The following MEMO1 variants were observed in gnomAD, a reference collection of about 807,000 sequenced individuals.
MEMO1 encodes protein MEMO1.
A neutral mutation model predicts 45.2 loss-of-function variants in MEMO1; 6 were observed. The observed-to-expected ratio is 0.13, with a 90% CI of 0.07 to 0.26. The LOEUF (loss-of-function observed/expected upper bound fraction) is 0.26. MEMO1 is among the 10% of genes least tolerant of loss of function. The pLI is 1.00. For missense variants in MEMO1, 184 were observed against 370.5 expected (o/e 0.50, Z 4.13); for synonymous variants, 78 against 124.3 (o/e 0.63, Z 2.48).
chr2:31,914,325 T>A (rs1681082149), intron 6 of MEMO1, among the ~76,000 whole-genome samples: 1 of 151,038 alleles, frequency 6.6e-6, no homozygotes, highest in Non-Finnish European at 1.5e-5. Context: ...ACGTGGAGAG[T>A]AGAAGGATGA....
intron 6 of MEMO1, among the ~76,000 whole-genome samples, chr2:31,910,602 T>G (rs995494534): frequency 3.3e-5 from 5 of 152,180 alleles, no homozygotes; most frequent in Non-Finnish European, 5.9e-5. Flanking sequence ...GGCTCCTGCC[T>G]GTAATCCTGT....
intron 3 of MEMO1, among the ~76,000 whole-genome samples, chr2:31,940,715 T>C (rs1014676076): frequency 1.3e-5 from 2 of 152,136 alleles, no homozygotes; most frequent in Admixed American, 6.5e-5. Context: ...CTAATTTTTG[T>C]AGAGATGGAG....
chr2:31,927,052 T>C (rs535226225), intron 4 of MEMO1, among the ~76,000 whole-genome samples: 1 of 152,146 alleles, frequency 6.6e-6, no homozygotes, highest in Admixed American at 6.5e-5. Context: ...AATATTCGGC[T>C]GGGTGCGGTG....
chr2:32,005,983 A>G lies in MEMO1; in HGVS notation c.61+4204T>C, dbSNP rs763806397. On this transcript the variant is annotated intron_variant, in intron 2 of 9. Transcript: ENST00000404530. Reference sequence around the variant, plus strand: ...GGAGTAGGAATTATCCCAACAAAGAATATTTCAACAGAGGGACCAGTTTGT... The same window carrying G: ...GGAGTAGGAATTATCCCAACAAAGAGTATTTCAACAGAGGGACCAGTTTGT... Among the ~76,000 whole-genome samples, 71 of 152,222 alleles carry G rather than the reference A, an allele frequency of 4.7e-4. 3 individuals are homozygous for G. Among genetic ancestry groups the G allele is most frequent in the Non-Finnish European group, 1.5e-4 (10 of 68,042 alleles).
At chr2:31,956,289 G>A (rs1241857608) in intron 2 of MEMO1, among the ~76,000 whole-genome samples, 2 of 150,668 alleles carry the variant, frequency 1.3e-5, no homozygotes, top group Non-Finnish European at 2.9e-5. Flanking sequence ...AAAGAATCAG[G>A]ACTAGGATAA....
At chr2:31,938,474 G>A (rs1014526974) in intron 3 of MEMO1, among the ~76,000 whole-genome samples, 12 of 151,740 alleles carry the variant, frequency 7.9e-5, no homozygotes, top group Non-Finnish European at 1.3e-4. Flanking sequence ...GTGAAACCAC[G>A]TCTCTACTAA....
At chr2:31,873,638 C>T (rs1674118157) in intron 8 of MEMO1, among the ~76,000 whole-genome samples, 1 of 152,092 alleles carries the variant, frequency 6.6e-6, no homozygotes, top group Admixed American at 6.5e-5. Flanking sequence ...AGTAGCAAAA[C>T]ATTTTAGAGG....
At chr2:31,966,812 C>A (rs1325487735) in intron 2 of MEMO1, among the ~76,000 whole-genome samples, 1 of 151,728 alleles carries the variant, frequency 6.6e-6, no homozygotes, top group Non-Finnish European at 1.5e-5. Flanking sequence ...TGAAAACAAC[C>A]TGAGTAAACA....
intron 9 of MEMO1, among the ~76,000 whole-genome samples, chr2:31,869,646 G>A (rs953523440): frequency 1.3e-5 from 2 of 151,984 alleles, no homozygotes; most frequent in Admixed American, 6.6e-5. Flanking sequence ...GTATTTAACA[G>A]AAAGTATTGA....
At chr2:31,872,631 G>A (rs995633957) in intron 8 of MEMO1, among the ~76,000 whole-genome samples, 6 of 152,046 alleles carry the variant, frequency 3.9e-5, no homozygotes, top group African/African-American at 1.2e-4. Context: ...ACTAAGTAAA[G>A]AGTTAAAAAT....
chr2:31,944,456 T>G (rs1665967284), intron 2 of MEMO1, among the ~76,000 whole-genome samples: 1 of 152,206 alleles, frequency 6.6e-6, no homozygotes, highest in South Asian at 2.1e-4. Flanking sequence ...TCTGAGAAAC[T>G]GCTAAATCAC....
intron 6 of MEMO1, among the ~76,000 whole-genome samples, chr2:31,912,792 C>T (rs958732759): frequency 3.3e-5 from 5 of 152,114 alleles, no homozygotes; most frequent in Admixed American, 6.5e-5. Flanking sequence ...GCAGTAAACA[C>T]TGGCTGAGTA....
At chr2:31,994,079 G>GC (rs1328759018) in intron 2 of MEMO1, among the ~76,000 whole-genome samples, 2 of 140,836 alleles carry the variant, frequency 1.4e-5, no homozygotes, top group Non-Finnish European at 3.0e-5. Flanking sequence ...TTCTGCCTCA[G>GC]CCCCCCGAGC....
chr2:31,941,622 T>C (rs1572753955), intron 3 of MEMO1, among the ~76,000 whole-genome samples: 1 of 152,282 alleles, frequency 6.6e-6, no homozygotes, highest in South Asian at 2.1e-4. Context: ...ACTAAATAAA[T>C]AGTAGTAAGT....
rs115178565 is a variant in MEMO1 at position 32,008,355 on chromosome 2, G to A, written c.61+1832C>T. ...AATCCCAGGACTTTGGGAGGCCCAG[G>A]CGGGAGGATCACGAAGTCGGGAGTT... On this transcript the variant is annotated intron_variant, in intron 2 of 9. Coordinates refer to ENST00000404530, the MANE Select transcript of MEMO1 (RefSeq NM_001301833.4). 4.1e-3 allele frequency among the ~76,000 whole-genome samples: 632 copies of A among 152,360 alleles called. 9 individuals are homozygous for A. Among genetic ancestry groups the A allele is most frequent in the African/African-American group, 0.015 (621 of 41,588 alleles).
chr2:31,914,809 T>A (rs1558499604), intron 6 of MEMO1, among the ~76,000 whole-genome samples: 1 of 151,470 alleles, frequency 6.6e-6, no homozygotes, highest in African/African-American at 2.4e-5. Context: ...GTTTTTAAAA[T>A]TAGCCAGATA....
At chr2:31,871,684 G>A (rs184283225) in intron 8 of MEMO1, among the ~76,000 whole-genome samples, 195 of 152,104 alleles carry the variant, frequency 1.3e-3, no homozygotes, top group African/African-American at 4.4e-3. Context: ...ACCGACACTT[G>A]GTATATAAGC....
chr2:31,994,316 A>C (rs1672305901), intron 2 of MEMO1, among the ~76,000 whole-genome samples: 2 of 151,776 alleles, frequency 1.3e-5, no homozygotes, highest in Non-Finnish European at 2.9e-5. Context: ...TAAAAGTCAC[A>C]ATGTCTGGCA....
In MEMO1 at chr2:31,970,402, T is replaced by A. The variant is rs576650343; in HGVS notation, c.62-27019A>T. On this transcript the variant is annotated intron_variant, in intron 2 of 9. Transcript: ENST00000404530. ...ATGTAGCTTGTTTAAAGGACATAATTCTAATTTAGTTGATCTCAGCCTCGT... is the reference window on the plus strand; with the variant it reads ...ATGTAGCTTGTTTAAAGGACATAATACTAATTTAGTTGATCTCAGCCTCGT... Among the ~76,000 whole-genome samples the A allele has an allele frequency of 1.2e-4, 18 of 152,318 alleles. No individual in the cohort carries two copies. The East Asian group carries it at 3.5e-3, about 29-fold the overall frequency.
Sources: gnomAD v4.1 joint callset for allele counts (sites outside exome capture counted in the v4.1 genomes callset) on GRCh38, gnomAD v4.1.1 for gene constraint, MANE v1.5 for transcripts, NCBI Gene and HGNC (gene_info 2026-07-23, HGNC 2026-07-21) for gene names.